Variants in TAF3 observed in about 807,000 individuals in gnomAD.
TAF3 encodes TATA-box binding protein associated factor 3, also known as transcription initiation factor TFIID subunit 3.
Under a neutral mutation model 80.6 loss-of-function variants are expected in TAF3, and 7 were observed. That is an observed-to-expected ratio of 0.09 (90% CI 0.05 to 0.16). TAF3 has a LOEUF of 0.16. Among genes scored for constraint, TAF3 ranks in the 10% least tolerant of loss-of-function variants. TAF3 has a pLI of 1.00. For missense variants in TAF3, 921 were observed against 1,140.2 expected, an observed-to-expected ratio of 0.81 and a Z score of 2.77; for synonymous variants, 444 against 446.1, an observed-to-expected ratio of 1.00 and a Z score of 0.06.
intron 2 of TAF3, among the ~76,000 whole-genome samples, chr10:7,938,457 A>G (rs1837945639): frequency 6.6e-6 from 1 of 152,210 alleles, no homozygotes; most frequent in Non-Finnish European, 1.5e-5. Flanking sequence ...TTGAAGGGAA[A>G]TGAATAATAC....
At chr10:7,937,520 A>T (rs1020268306) in intron 2 of TAF3, among the ~76,000 whole-genome samples, 2 of 152,194 alleles carry the variant, frequency 1.3e-5, no homozygotes, top group African/African-American at 4.8e-5. Flanking sequence ...TCTTTTGCCC[A>T]TTTTTAAATT....
chr10:8,014,693 A>G lies in TAF3; in HGVS notation c.2732A>G (p.Lys911Arg). ...PPEEMQWFCP[K>R]CANKKKDKKH... is the part of the protein sequence containing the mutation. ...GAAGAGATGCAGTGGTTCTGCCCCA[A>G]GTGTGCGAACAAGAAGAAGGACAAA... The change falls in exon 7 of 7, where the codon AAG becomes AGG. Residue 911 changes from lysine to arginine, a missense_variant. Physicochemically the swap from Lys to Arg is conservative, Grantham distance 26 (BLOSUM62 2). Transcript: ENST00000344293. 1 of 1,612,530 alleles carries G rather than the reference A, an allele frequency of 6.2e-7. No individual in the cohort carries two copies. Among genetic ancestry groups the G allele is most frequent in the East Asian group, 2.2e-5 (1 of 44,838 alleles).
intron 2 of TAF3, among the ~76,000 whole-genome samples, chr10:7,902,048 C>T (rs1407789852): frequency 2.0e-5 from 3 of 152,198 alleles, no homozygotes; most frequent in Non-Finnish European, 2.9e-5. Flanking sequence ...ACCCCACGTT[C>T]GTCAGTGTGT....
At chr10:7,953,205 C>G (rs1838101364) in intron 2 of TAF3, among the ~76,000 whole-genome samples, 1 of 152,132 alleles carries the variant, frequency 6.6e-6, no homozygotes, top group Non-Finnish European at 1.5e-5. Flanking sequence ...CTTCTCACTT[C>G]AAAAAGTAGG....
At chr10:8,004,697 C>G (rs1831975598) in intron 4 of TAF3, among the ~76,000 whole-genome samples, 1 of 152,036 alleles carries the variant, frequency 6.6e-6, no homozygotes, top group Non-Finnish European at 1.5e-5. Context: ...CTCTAGCTGC[C>G]TTTCAGATTT....
intron 2 of TAF3, among the ~76,000 whole-genome samples, chr10:7,872,751 C>T (rs1412587544): frequency 6.6e-6 from 1 of 152,064 alleles, no homozygotes; most frequent in African/African-American, 2.4e-5. Flanking sequence ...TTTCACGCTG[C>T]CTTAAAATCA....
At chr10:8,000,440 A>T (rs1005342556) in intron 4 of TAF3, among the ~76,000 whole-genome samples, 1 of 151,754 alleles carries the variant, frequency 6.6e-6, no homozygotes, top group Non-Finnish European at 1.5e-5. Flanking sequence ...TATGCAAGTT[A>T]TGTTTGTTAA....
intron 4 of TAF3, among the ~76,000 whole-genome samples, chr10:8,007,850 A>G (rs1444273297): frequency 1.3e-5 from 2 of 151,824 alleles, no homozygotes; most frequent in Non-Finnish European, 2.9e-5. Context: ...AGTGCTTTTT[A>G]TAATAAATTG....
chr10:7,843,993 A>G (rs1414697290), intron 2 of TAF3, among the ~76,000 whole-genome samples: 1 of 152,186 alleles, frequency 6.6e-6, no homozygotes, highest in Non-Finnish European at 1.5e-5. Flanking sequence ...TATCCAATTA[A>G]ATGTCAAAGA....
intron 3 of TAF3, among the ~76,000 whole-genome samples, chr10:7,976,741 C>T (rs1166961562): frequency 6.6e-6 from 1 of 151,994 alleles, no homozygotes; most frequent in Non-Finnish European, 1.5e-5. Flanking sequence ...ATTGTTTTAC[C>T]CCTAGCCAAA....
intron 3 of TAF3, among the ~76,000 whole-genome samples, chr10:7,970,498 G>T (rs933882557): frequency 3.9e-5 from 6 of 152,330 alleles, no homozygotes; most frequent in Admixed American, 1.3e-4. Context: ...TTACTGCCCA[G>T]AATGGCCTTC....
chr10:7,901,729 T>G (rs74317482), intron 2 of TAF3, among the ~76,000 whole-genome samples: 1,665 of 152,310 alleles, frequency 0.011, 20 homozygotes, highest in Middle Eastern at 0.031. Context: ...AATTAATATT[T>G]TATATTAAGA....
chr10:7,993,031 C>T (rs1353758235), intron 4 of TAF3, among the ~76,000 whole-genome samples: 1 of 152,174 alleles, frequency 6.6e-6, no homozygotes, highest in East Asian at 1.9e-4. Flanking sequence ...TTCCTTGTTA[C>T]CATCTAATAC....
intron 2 of TAF3, among the ~76,000 whole-genome samples, chr10:7,855,661 A>T (rs1276790626): frequency 6.6e-6 from 1 of 152,220 alleles, no homozygotes; most frequent in East Asian, 1.9e-4. Flanking sequence ...CAAAGCTCCC[A>T]GACAGCTTTT....
Position 7,849,446 on chromosome 10 carries a change from G to A in TAF3, c.409+24886G>A, listed in dbSNP as rs954927712. On this transcript the variant is annotated intron_variant, in intron 2 of 6. Transcript: ENST00000344293. ...CATCCTGTAGATCTTGCACTTCTGG[G>A]ACGATTTAGGGTTATTGCATGGGAT... Among the ~76,000 whole-genome samples the A allele has an allele frequency of 2.0e-5, 3 of 151,644 alleles. No homozygotes were observed. In the East Asian group the frequency reaches 6.0e-4, roughly 30 times the overall value.
chr10:7,870,590 G>T (rs923940624), intron 2 of TAF3, among the ~76,000 whole-genome samples: 8 of 152,156 alleles, frequency 5.3e-5, no homozygotes, highest in African/African-American at 1.9e-4. Flanking sequence ...ATGGCGGTCT[G>T]TTGTTGAAGA....
intron 2 of TAF3, among the ~76,000 whole-genome samples, chr10:7,933,536 G>A (rs1409505481): frequency 6.6e-6 from 1 of 152,198 alleles, no homozygotes; most frequent in Non-Finnish European, 1.5e-5. Context: ...TCTGTGCTGG[G>A]TTTCCTGTCT....
intron 4 of TAF3, among the ~76,000 whole-genome samples, chr10:7,998,219 ACTC>A (rs1229187278): frequency 6.9e-6 from 1 of 144,498 alleles, no homozygotes; most frequent in African/African-American, 2.5e-5. Flanking sequence ...TTCTTTTACT[ACTC>A]AGAAAATCTG....
intron 2 of TAF3, among the ~76,000 whole-genome samples, chr10:7,943,346 C>G (rs532895404): frequency 3.9e-5 from 6 of 152,100 alleles, no homozygotes; most frequent in Non-Finnish European, 7.4e-5. Flanking sequence ...TTTCCTAGTT[C>G]GTAAGTTTTT....
Sources: gnomAD v4.1 joint callset for allele counts (sites outside exome capture counted in the v4.1 genomes callset) on GRCh38, gnomAD v4.1.1 for gene constraint, MANE v1.5 for transcripts, NCBI Gene and HGNC (gene_info 2026-07-23, HGNC 2026-07-21) for gene names.